PCDHA2: variants seen among roughly 807,000 people sequenced by gnomAD.
PCDHA2 encodes protocadherin alpha 2, also known as protocadherin alpha-2.
PCDHA2 carries 58 observed loss-of-function variants against 66.0 expected under a neutral mutation model. The ratio of observed to expected loss-of-function variants is 0.88; its 90% CI spans 0.71 to 1.09. The LOEUF (loss-of-function observed/expected upper bound fraction) is 1.09. PCDHA2 is among the 50% of genes least tolerant of loss of function. PCDHA2 has a pLI of 0.00. For missense variants in PCDHA2, 1,267 were observed against 1,242.3 expected (o/e 1.02, Z -0.30); for synonymous variants, 634 against 554.0 (o/e 1.14, Z -2.03).
rs2150499672 is a variant in PCDHA2 at position 140,850,819 on chromosome 5, G to A, written c.2388+53467G>A. 1.0e-5 allele frequency: 16 copies of A among 1,598,272 alleles called. No individual in the cohort carries two copies. In the African/African-American group the frequency reaches 1.7e-4, roughly 17 times the overall value. On this transcript the variant is annotated intron_variant, in intron 1 of 3. Transcript: ENST00000526136. ...ACCGACCTCATGGCCTTCAGCCCGGGCCTTTCTCCTTGTGCTGGATCTACA... is the reference window on the plus strand; with the variant it reads ...ACCGACCTCATGGCCTTCAGCCCGGACCTTTCTCCTTGTGCTGGATCTACA...
intron 1 of PCDHA2, among the ~76,000 whole-genome samples, chr5:140,962,961 T>C (rs1483172996): frequency 1.3e-5 from 2 of 152,148 alleles, no homozygotes; most frequent in African/African-American, 4.8e-5. Flanking sequence ...TCTATCCCTA[T>C]ATAGGAAATT....
At chr5:140,842,869 G>A (rs1562404536) in intron 1 of PCDHA2, 1 of 1,594,118 alleles carries the variant, frequency 6.3e-7, no homozygotes, top group Non-Finnish European at 8.6e-7. Context: ...AGAGCGGCAA[G>A]GTGTACGCGC....
intron 1 of PCDHA2, chr5:140,857,903 A>C (rs1554150826): frequency 6.3e-7 from 1 of 1,597,806 alleles, no homozygotes; most frequent in East Asian, 2.2e-5. Context: ...TGGTGCACGC[A>C]TCCCGTTTCG....
At chr5:140,836,909 CTT>C (rs1774804264) in intron 1 of PCDHA2, 2 of 579,626 alleles carry the variant, frequency 3.5e-6, no homozygotes, top group Admixed American at 3.6e-5. Flanking sequence ...TTAATATACA[CTT>C]TTGTTTTGGG....
chr5:140,874,018 G>A (rs1033387450), intron 1 of PCDHA2, among the ~76,000 whole-genome samples: 2 of 152,114 alleles, frequency 1.3e-5, no homozygotes, highest in Admixed American at 1.3e-4. Context: ...TTTTGAAAAT[G>A]AAAAATAGGA....
intron 1 of PCDHA2, chr5:140,876,328 C>T: frequency 6.2e-7 from 1 of 1,613,940 alleles, no homozygotes; most frequent in Non-Finnish European, 8.5e-7. Context: ...AATGATTTTG[C>T]CAGTGAGTGA....
At chr5:140,909,094 T>C (rs1445563506) in intron 1 of PCDHA2, among the ~76,000 whole-genome samples, 1 of 152,196 alleles carries the variant, frequency 6.6e-6, no homozygotes, top group Admixed American at 6.5e-5. Context: ...TACTTCTCAC[T>C]CACTGGGTCC....
intron 1 of PCDHA2, chr5:140,875,799 C>T (rs781911910): frequency 5.6e-6 from 9 of 1,614,014 alleles, no homozygotes. Flanking sequence ...TGGAGGTGAT[C>T]GTGGACAGGC....
At chr5:140,927,760 A>G in intron 1 of PCDHA2, 1 of 1,614,206 alleles carries the variant, frequency 6.2e-7, no homozygotes, top group Non-Finnish European at 8.5e-7. Context: ...GCACCCTAAA[A>G]GTGGGGAGGT....
chr5:140,928,921 C>A (rs782289381), intron 1 of PCDHA2: 1 of 1,614,116 alleles, frequency 6.2e-7, no homozygotes, highest in Non-Finnish European at 8.5e-7. Flanking sequence ...AGGAGGGCAG[C>A]TTTCTGCCCA....
intron 1 of PCDHA2, chr5:140,836,629 C>CGA: frequency 4.3e-6 from 7 of 1,613,468 alleles, no homozygotes; most frequent in Non-Finnish European, 5.9e-6. Flanking sequence ...GGGAGCTGGT[C>CGA]ATTCTCCCAG....
intron 1 of PCDHA2, chr5:140,871,242 G>A: frequency 1.2e-6 from 2 of 1,613,980 alleles, no homozygotes; most frequent in Non-Finnish European, 8.5e-7. Flanking sequence ...TGGTACTCAC[G>A]CTGCTGCTGT....
At chr5:140,890,688 T>C (rs570229410) in intron 1 of PCDHA2, among the ~76,000 whole-genome samples, 4 of 152,334 alleles carry the variant, frequency 2.6e-5, no homozygotes, top group Admixed American at 2.6e-4. Flanking sequence ...TTCTGGGAAA[T>C]GCAGGGACCT....
chr5:140,802,674 T>C, intron 1 of PCDHA2: 1 of 1,613,392 alleles, frequency 6.2e-7, no homozygotes, highest in Non-Finnish European at 8.5e-7. Flanking sequence ...GGTGTCCTAC[T>C]CGCTGGTGGA....
At chr5:140,808,368 C>A in intron 1 of PCDHA2, 1 of 1,614,198 alleles carries the variant, frequency 6.2e-7, no homozygotes, top group Non-Finnish European at 8.5e-7. Context: ...TCCCACGTCC[C>A]CTTCAAGCTG....
rs1554119900 is a variant in PCDHA2 at position 140,796,443 on chromosome 5, G to A, written c.1479G>A (p.Ser493=). The A allele has an allele frequency of 3.1e-6, 5 of 1,613,338 alleles. No homozygotes were observed. In the South Asian group the frequency reaches 4.4e-5, roughly 14 times the overall value. ...DAQENALVSY[S]LVERRVGERA... is the part of the protein sequence containing the mutation. ...AGGAGAACGCGCTGGTGTCCTACTC[G>A]CTGGTGGAGCGGCGGGTGGGCGAGC... The change falls in exon 1 of 4, where the codon TCG becomes TCA. Residue 493 remains serine (S), a synonymous_variant. Coordinates refer to ENST00000526136, the MANE Select transcript of PCDHA2 (RefSeq NM_018905.3).
chr5:140,966,903 A>G (rs1554228870), intron 1 of PCDHA2: 2 of 1,599,926 alleles, frequency 1.3e-6, no homozygotes, highest in South Asian at 2.2e-5. Context: ...CAGCTGCGAT[A>G]CTCTGTGCCA....
chr5:140,966,541 G>C (rs2096018356), intron 1 of PCDHA2: 3 of 462,844 alleles, frequency 6.5e-6, no homozygotes, highest in African/African-American at 2.0e-5. Context: ...TGAGCGACTC[G>C]GAGGCGAGCG....
chr5:140,955,049 G>T (rs2095130069), intron 1 of PCDHA2, among the ~76,000 whole-genome samples: 1 of 152,130 alleles, frequency 6.6e-6, no homozygotes, highest in Admixed American at 6.6e-5. Context: ...CTCATTGCTT[G>T]TTTTTGTCAG....
Sources: allele counts gnomAD v4.1 joint callset (sites outside exome capture counted in the v4.1 genomes callset), GRCh38; gene constraint gnomAD v4.1.1; transcripts MANE v1.5; gene names NCBI Gene and HGNC (gene_info 2026-07-23, HGNC 2026-07-21).